Variants in MCFD2 observed in about 807,000 individuals in gnomAD.
The protein encoded by MCFD2 is multiple coagulation factor deficiency 2, ER cargo receptor complex subunit, also known as multiple coagulation factor deficiency protein 2.
A neutral mutation model predicts 12.8 loss-of-function variants in MCFD2; 11 were observed. The ratio of observed to expected loss-of-function variants is 0.86; its 90% CI spans 0.54 to 1.42. The LOEUF is 1.42. Ranked by LOEUF, MCFD2 falls within the 40% of genes most tolerant of loss-of-function variation. The pLI, the probability that MCFD2 is intolerant of heterozygous loss-of-function variation, is 0.00. For synonymous variants in MCFD2, 70 were observed against 68.1 expected, an observed-to-expected ratio of 1.03 and a Z score of -0.14; for missense variants, 191 against 178.6, an observed-to-expected ratio of 1.07 and a Z score of -0.40.
chr2:46,936,659 C>A (rs1434525817), intron 1 of MCFD2, among the ~76,000 whole-genome samples: 1 of 152,154 alleles, frequency 6.6e-6, no homozygotes, highest in Non-Finnish European at 1.5e-5. Context: ...TGCTGTCACC[C>A]AAATGTGTAC....
rs1668297684 is a variant in MCFD2, at chr2:46,907,582, GA to G, written c.309+227del. On this transcript the variant is annotated intron_variant, in intron 3 of 3. Transcript: ENST00000319466. The surrounding 1 kb of genome is among the most constrained non-coding windows in gnomAD (Gnocchi z 4.1). ...TAATTTTTGTTTTGTTTGTTTTGTA[GA>G]GACAGGGTCTCACTATATTGCCAAG... The G allele has an allele frequency of 1.8e-6, 1 of 556,534 alleles. No homozygotes were observed. The highest frequency in any genetic ancestry group is 3.0e-5 in the Admixed American group (1 of 32,900). 34.5% of individuals were successfully genotyped at this position (556,534 alleles called of 1,614,324 possible).
At chr2:46,923,023 G>C (rs1669185977) in intron 1 of MCFD2, among the ~76,000 whole-genome samples, 1 of 152,222 alleles carries the variant, frequency 6.6e-6, no homozygotes, top group Admixed American at 6.5e-5. Context: ...TAAACAGCCA[G>C]ATGAAGAGAT....
intron 1 of MCFD2, among the ~76,000 whole-genome samples, chr2:46,911,562 G>A (rs1053741349): frequency 1.3e-5 from 2 of 151,834 alleles, no homozygotes; most frequent in African/African-American, 4.8e-5. Context: ...ATACACTTTT[G>A]TAAAATAAAA....
rs1670233437 is a variant in MCFD2, at chr2:46,940,459, C to A, written c.-8+1113G>T. Reference sequence around the variant, plus strand: ...GTGGACCTCGGCTGCCCCCGCTAGGCCCCGCCCCGTAGTCCTGTGAACTTC... The same window carrying A: ...GTGGACCTCGGCTGCCCCCGCTAGGACCCGCCCCGTAGTCCTGTGAACTTC... On this transcript the variant is annotated intron_variant, in intron 1 of 2. Coordinates refer to the MCFD2 transcript ENST00000409147. The surrounding 1 kb of genome is among the most constrained non-coding windows in gnomAD (Gnocchi z 4.7). 6.6e-6 allele frequency among the ~76,000 whole-genome samples: 1 copy of A among 152,186 alleles called. No individual in the cohort carries two copies. The highest frequency in any genetic ancestry group is 1.5e-5 in the Non-Finnish European group (1 of 68,040).
chr2:46,915,936 A>C, upstream of MCFD2: 1 of 984,968 alleles, frequency 1.0e-6, no homozygotes, highest in East Asian at 1.1e-4. Context: ...TCCACGTGTA[A>C]TCGGCCCGGG....
At chr2:46,936,383 C>G (rs1669980741) in intron 1 of MCFD2, among the ~76,000 whole-genome samples, 1 of 152,134 alleles carries the variant, frequency 6.6e-6, no homozygotes, top group Admixed American at 6.5e-5. Flanking sequence ...CTGATCAAAA[C>G]TTTATGAGAA....
chr2:46,938,498 C>T (rs73926982), intron 1 of MCFD2, among the ~76,000 whole-genome samples: 8,814 of 152,162 alleles, frequency 0.058, 305 homozygotes, highest in African/African-American at 0.091. Context: ...AACTTAATAG[C>T]AAGGGATTCA....
rs934843890 is a variant in MCFD2 at position 46,907,667 on chromosome 2, G to T, written c.309+143C>A. 4 of 913,682 alleles carry T rather than the reference G, an allele frequency of 4.4e-6. No homozygotes were observed. The African/African-American group carries it at 4.9e-5, about 11-fold the overall frequency. 56.6% of individuals were successfully genotyped at this position (913,682 alleles called of 1,614,324 possible). A position where few individuals can be genotyped will look rare whatever the true frequency, so the allele number is the denominator to read the frequency against. On this transcript the variant is annotated intron_variant, in intron 3 of 3. Coordinates refer to ENST00000319466, the MANE Select transcript of MCFD2 (RefSeq NM_139279.6). The surrounding 1 kb of genome is among the most constrained non-coding windows in gnomAD (Gnocchi z 4.1). ...CCACTTTGGCCTCCCAAAGTGCTGG[G>T]ATTACAGATGCGAGCCATCATGCCC...
chr2:46,915,807 C>CGGGGGGGGGGGGGGGGGGGG, upstream of MCFD2: 1 of 84,836 alleles, frequency 1.2e-5, no homozygotes, highest in Non-Finnish European at 1.5e-5. Flanking sequence ...CTCGGCTTCG[C>CGGGGGGGGGGGGGGGGGGGG]CCCGCCCCCC....
At chr2:46,924,114 G>A (rs548997132) in intron 1 of MCFD2, among the ~76,000 whole-genome samples, 1 of 151,936 alleles carries the variant, frequency 6.6e-6, no homozygotes, top group South Asian at 2.1e-4. Context: ...AGAGGTGAGA[G>A]GATCGCCTGG....
chr2:46,906,297 T>G (rs1668230479), intron 3 of MCFD2, among the ~76,000 whole-genome samples: 1 of 152,028 alleles, frequency 6.6e-6, no homozygotes, highest in Non-Finnish European at 1.5e-5. Context: ...CCAAGGATCT[T>G]CCCTAAACAA....
At position 46,911,343 on chromosome 2, in the gene MCFD2, A is replaced by G. The variant is rs566968561; in HGVS notation, c.-6-2166T>C. 1.2e-4 allele frequency among the ~76,000 whole-genome samples: 18 copies of G among 151,188 alleles called. No homozygotes were observed. In the South Asian group the frequency reaches 3.6e-3, roughly 30 times the overall value. ...GGGTTTCACCATCTTGGCCAGGCTG[A>G]TCTCGAACTCCAGACCTCAGGTGAT... On this transcript the variant is annotated intron_variant, in intron 1 of 3. Transcript: ENST00000319466.
At chr2:46,923,662 C>G (rs1271856419) in intron 1 of MCFD2, among the ~76,000 whole-genome samples, 1 of 152,046 alleles carries the variant, frequency 6.6e-6, no homozygotes, top group Non-Finnish European at 1.5e-5. Context: ...GAGGCCGAGA[C>G]AGGAGAATCG....
chr2:46,935,197 G>T (rs1669915823), intron 1 of MCFD2, among the ~76,000 whole-genome samples: 1 of 152,110 alleles, frequency 6.6e-6, no homozygotes, highest in Non-Finnish European at 1.5e-5. Flanking sequence ...CTGGAAAAGA[G>T]CTGTGAAGGG....
chr2:46,910,416 C>G (rs886259545), intron 1 of MCFD2, among the ~76,000 whole-genome samples: 1 of 152,186 alleles, frequency 6.6e-6, no homozygotes. Context: ...TGCTAGATAA[C>G]AAGGCCAGGG....
chr2:46,922,341 T>C (rs1396283910), intron 1 of MCFD2, among the ~76,000 whole-genome samples: 1 of 152,194 alleles, frequency 6.6e-6, no homozygotes, highest in South Asian at 2.1e-4. Context: ...TTAGTGGGGC[T>C]TTGTCTATGG....
In MCFD2 at chr2:46,908,387, A is replaced by G. The variant is rs149309327; in HGVS notation, c.150-418T>C. On this transcript the variant is annotated intron_variant, in intron 2 of 3. Transcript: ENST00000319466. This position sits in a 1 kb window ranked among gnomAD's most constrained non-coding sequence, Gnocchi z 4.5. ...TTGATTCTCCCACTTCAGCCCCCCAAGTAGCTGGGACCATAGGCATGTACT... is the reference window on the plus strand; with the variant it reads ...TTGATTCTCCCACTTCAGCCCCCCAGGTAGCTGGGACCATAGGCATGTACT... The G allele has an allele frequency of 2.7e-3, 838 of 307,098 alleles. 8 individuals are homozygous for G. The highest frequency in any genetic ancestry group is 0.018 in the African/African-American group (796 of 45,378). The allele number at this position is 307,098 out of a possible 1,614,324, so 19.0% of individuals were successfully genotyped here.
chr2:46,941,517 C>T lies in MCFD2; in HGVS notation c.-8+55G>A, dbSNP rs987279821. 1 of 1,548,584 alleles carries T rather than the reference C, an allele frequency of 6.5e-7. No individual in the cohort carries two copies. Among genetic ancestry groups the T allele is most frequent in the Non-Finnish European group, 8.7e-7 (1 of 1,146,384 alleles). On this transcript the variant is annotated intron_variant, in intron 1 of 2. Coordinates refer to the MCFD2 transcript ENST00000409147. This position sits in a 1 kb window ranked among gnomAD's most constrained non-coding sequence, Gnocchi z 4.2. ...CCGGGTCTCCACTTCTTGGCCGCAC[C>T]TTCCATGACAGCGCCCGCGAGAAGA...
chr2:46,908,038 T>G lies in MCFD2; in HGVS notation c.150-69A>C, dbSNP rs1668320463. 3 of 1,575,998 alleles carry G rather than the reference T, an allele frequency of 1.9e-6. No homozygotes were observed. The highest frequency in any genetic ancestry group is 1.7e-5 in the Admixed American group (1 of 59,112). ...GATCATGCTGAAATCTTAAGGACTC[T>G]GAAAAGTTCAAGATCTTAAACTTCC... is the stretch of plus-strand genomic sequence containing the variant. On this transcript the variant is annotated intron_variant, in intron 2 of 3. Transcript: ENST00000319466. The surrounding 1 kb of genome is among the most constrained non-coding windows in gnomAD (Gnocchi z 4.5).
Sources: gnomAD v4.1 joint callset for allele counts (sites outside exome capture counted in the v4.1 genomes callset) on GRCh38, gnomAD v4.1.1 for gene constraint, Gnocchi (gnomAD v3.1) non-coding constraint, MANE v1.5 for transcripts, NCBI Gene and HGNC (gene_info 2026-07-23, HGNC 2026-07-21) for gene names.